ELAPOR1: variants seen among roughly 807,000 people sequenced by gnomAD.
ELAPOR1 encodes endosome-lysosome associated apoptosis and autophagy regulator 1, also known as endosome/lysosome-associated apoptosis and autophagy regulator 1.
In ELAPOR1, 77 loss-of-function variants were observed where a neutral mutation model predicts 119.7. The ratio of observed to expected loss-of-function variants is 0.64; its 90% confidence interval spans 0.54 to 0.78. The LOEUF (loss-of-function observed/expected upper bound fraction) is 0.78. ELAPOR1 is among the 30% of genes least tolerant of loss of function. ELAPOR1 has a pLI of 0.00. For synonymous variants in ELAPOR1, 481 were observed against 487.2 expected (o/e 0.99, Z 0.17); for missense variants, 1,115 against 1,270.4 (o/e 0.88, Z 1.86).
chr1:109,151,942 C>T (rs944497892), intron 1 of ELAPOR1, among the ~76,000 whole-genome samples: 2 of 150,006 alleles, frequency 1.3e-5, no homozygotes, highest in East Asian at 2.0e-4. Flanking sequence ...GGCATGATCA[C>T]GGCTCACTGC....
chr1:109,150,644 T>C (rs1039146967), intron 1 of ELAPOR1, among the ~76,000 whole-genome samples: 2 of 152,212 alleles, frequency 1.3e-5, no homozygotes, highest in South Asian at 4.1e-4. Flanking sequence ...TCCTAACATT[T>C]TTGGTGTGTG....
chr1:109,127,845 T>C (rs931099772), intron 1 of ELAPOR1, among the ~76,000 whole-genome samples: 1 of 151,616 alleles, frequency 6.6e-6, no homozygotes, highest in Non-Finnish European at 1.5e-5. Context: ...ATTGCAGACA[T>C]GAGCCACTGC....
At chr1:109,191,966 T>G (rs996462683) in intron 13 of ELAPOR1, 103 bp downstream of exon 13, 10 of 1,414,256 alleles carry the variant, frequency 7.1e-6, no homozygotes, top group Non-Finnish European at 8.7e-6. Flanking sequence ...AATCTGAGGG[T>G]TAGAAGGATC....
At position 109,156,022 on chromosome 1, in the gene ELAPOR1, G is replaced by A. The variant is rs368630759; in HGVS notation, c.154-5872G>A. Reference sequence around the variant, plus strand: ...TAGCCAGATACAGTGGTGCACACCTGTAGTCCCAGCTACTCAAGAGGCTGA... The same window carrying A: ...TAGCCAGATACAGTGGTGCACACCTATAGTCCCAGCTACTCAAGAGGCTGA... On this transcript the variant is annotated intron_variant, in intron 1 of 21. Coordinates refer to ENST00000369939, the MANE Select transcript of ELAPOR1 (RefSeq NM_020775.5). Among the ~76,000 whole-genome samples the A allele has an allele frequency of 2.4e-4, 37 of 152,256 alleles. 2 individuals carry two copies. In the East Asian group the frequency reaches 5.2e-3, roughly 21 times the overall value.
rs1654360704 is a variant in ELAPOR1, at chr1:109,204,231, G to GT, written c.*1225dup. ...AGCCACTGCACTCAGCCTTTTATTT[G>GT]TTTTTTAAACCACGTAGCTCATTGC... On this transcript the variant is annotated 3_prime_UTR_variant, in exon 22 of 22. Coordinates refer to ENST00000369939, the MANE Select transcript of ELAPOR1 (RefSeq NM_020775.5). 1 of 152,162 alleles carries GT rather than the reference G, an allele frequency of 6.6e-6. No homozygotes were observed. Among genetic ancestry groups the GT allele is most frequent in the Non-Finnish European group, 1.5e-5 (1 of 68,034 alleles). The allele number at this position is 152,162 out of a possible 1,614,324, so 9.4% of individuals were successfully genotyped here.
chr1:109,137,299 G>A (rs1444225618), intron 1 of ELAPOR1, among the ~76,000 whole-genome samples: 1 of 151,854 alleles, frequency 6.6e-6, no homozygotes, highest in African/African-American at 2.4e-5. Flanking sequence ...CGCCTCCTGG[G>A]CTCAAGGGAT....
intron 1 of ELAPOR1, among the ~76,000 whole-genome samples, chr1:109,140,408 G>A (rs1649756369): frequency 6.6e-6 from 1 of 152,210 alleles, no homozygotes; most frequent in African/African-American, 2.4e-5. Flanking sequence ...AAGAGTGAAG[G>A]CCCTCGTAAA....
At chr1:109,187,868 T>A in intron 8 of ELAPOR1, 1 of 1,078,352 alleles carries the variant, frequency 9.3e-7, no homozygotes, top group Non-Finnish European at 1.1e-6. Flanking sequence ...AATAAGATTC[T>A]ACAGTGGAAT....
Position 109,191,926 on chromosome 1 carries a change from C to T in ELAPOR1, c.1683+63C>T, listed in dbSNP as rs566751761. 1.3e-5 allele frequency: 21 copies of T among 1,575,532 alleles called. No individual in the cohort carries two copies. In the East Asian group the frequency reaches 2.5e-4, roughly 18 times the overall value. Reference sequence around the variant, plus strand: ...CCTCTGAACCCAGGAGGACTCCTAGCATTAGCTTAAGTATGAGTGTGAAGT... The same window carrying T: ...CCTCTGAACCCAGGAGGACTCCTAGTATTAGCTTAAGTATGAGTGTGAAGT... On this transcript the variant is annotated intron_variant, in intron 13 of 21. Coordinates refer to ENST00000369939, the MANE Select transcript of ELAPOR1 (RefSeq NM_020775.5).
At chr1:109,145,350 A>G (rs1027929884) in intron 1 of ELAPOR1, among the ~76,000 whole-genome samples, 13 of 152,182 alleles carry the variant, frequency 8.5e-5, no homozygotes, top group African/African-American at 3.1e-4. Flanking sequence ...CAGACAGACT[A>G]AGACAATATT....
In ELAPOR1 at chr1:109,199,953, C is replaced by T. The variant is rs372902345; in HGVS notation, c.2601C>T (p.Ile867=). 3.1e-6 allele frequency: 5 copies of T among 1,614,022 alleles called. No individual in the cohort carries two copies. The African/African-American group carries it at 4.0e-5, about 13-fold the overall frequency. ...GCTCAGTGGCTGACTACCATGCTAT[C>T]GTCAGCAGCTGTGTGGCTGGGATCC... ...PLCSVADYHA[I]VSSCVAGIQK... is the part of the protein sequence containing the mutation. Residue 867 remains isoleucine (I), a synonymous_variant, in exon 19 of 22, where the codon ATC becomes ATT. Coordinates refer to ENST00000369939, the MANE Select transcript of ELAPOR1 (RefSeq NM_020775.5).
chr1:109,171,586 C>T (rs1570679554), intron 3 of ELAPOR1, among the ~76,000 whole-genome samples: 1 of 152,102 alleles, frequency 6.6e-6, no homozygotes. Flanking sequence ...CCCAACTTCA[C>T]CTGCCACCCG....
At chr1:109,172,353 G>C (rs763887662) in intron 4 of ELAPOR1, 135 bp from the exon 5 acceptor site, 4 of 668,438 alleles carry the variant, frequency 6.0e-6, no homozygotes, top group Non-Finnish European at 1.1e-5. Context: ...CATGTGTTTT[G>C]AGCTCAATCC....
Position 109,194,464 on chromosome 1 carries a change from C to T in ELAPOR1, c.1991C>T (p.Thr664Ile), listed in dbSNP as rs774062363. The T allele has an allele frequency of 4.5e-5, 73 of 1,613,768 alleles. No individual in the cohort carries two copies. The highest frequency in any genetic ancestry group is 5.9e-5 in the Non-Finnish European group (70 of 1,179,738). Residue 664 changes from threonine to isoleucine, a missense_variant, in exon 15 of 22, where the codon ACT (threonine) becomes ATT (isoleucine). Physicochemically the swap from Thr to Ile is moderately conservative, Grantham distance 89. Transcript: ENST00000369939. ...CYNDCTFSRN[T>I]PTRTFNYNFS... ...AACGATTGCACCTTCTCACGCAACA[C>T]TCCGACCAGGACTTTCAACTACAAC...
chr1:109,144,059 A>ATTT (rs1243626258), intron 1 of ELAPOR1, among the ~76,000 whole-genome samples: 3,673 of 34,058 alleles, frequency 0.11, 158 homozygotes, highest in East Asian at 0.2. Context: ...ATATATTTAT[A>ATTT]TATTTTTTTT....
intron 15 of ELAPOR1, among the ~76,000 whole-genome samples, chr1:109,194,855 C>A (rs1220560292): frequency 6.6e-6 from 1 of 152,230 alleles, no homozygotes; most frequent in Admixed American, 6.5e-5. Flanking sequence ...CGCCTGTAAT[C>A]CCAGCACTTT....
rs1406755761 is a variant in ELAPOR1 at position 109,164,505 on chromosome 1, C to T, written c.281C>T (p.Ser94Phe). 6.2e-7 allele frequency: 1 copy of T among 1,609,206 alleles called. No homozygotes were observed. Among genetic ancestry groups the T allele is most frequent in the Non-Finnish European group, 8.5e-7 (1 of 1,176,354 alleles). ...DPIKGTECSF[S>F]CNAGEFLDMK... ...TCTCTGCCCTGTTTTCCAGCCTTCT[C>T]CTGCAACGCCGGGGAGTTTCTGGAT... Residue 94 changes from serine (S) to phenylalanine (F), a missense_variant, in exon 3 of 22, where the codon TCC becomes TTC. Transcript: ENST00000369939.
chr1:109,194,371 C>T (rs745309819), intron 14 of ELAPOR1, 50 bp from the exon 15 acceptor site: 5 of 1,566,644 alleles, frequency 3.2e-6, no homozygotes, highest in East Asian at 2.2e-5. Flanking sequence ...GCTGCAGGCC[C>T]TCAAGGCCCT....
At chr1:109,162,723 A>C (rs2101041699) in intron 2 of ELAPOR1, among the ~76,000 whole-genome samples, 1 of 152,380 alleles carries the variant, frequency 6.6e-6, no homozygotes, top group Admixed American at 6.5e-5. Context: ...AGCTTAGTAC[A>C]GTGCCTGGTT....
Sources: allele counts gnomAD v4.1 joint callset (sites outside exome capture counted in the v4.1 genomes callset), GRCh38; gene constraint gnomAD v4.1.1; transcripts MANE v1.5; gene names NCBI Gene and HGNC (gene_info 2026-07-23, HGNC 2026-07-21).